Variants in XKR9 observed in about 807,000 individuals in gnomAD.
The protein encoded by XKR9 is XK related 9.
In XKR9, 32 loss-of-function variants were observed where a neutral mutation model predicts 32.0. The ratio of observed to expected loss-of-function variants is 1.00; its 90% CI spans 0.76 to 1.34. The LOEUF is 1.34. Ranked by LOEUF, XKR9 falls within the 40% of genes most tolerant of loss-of-function variation. XKR9 has a pLI of 0.00. For synonymous variants in XKR9, 168 were observed against 143.4 expected (o/e 1.17, Z -1.22); for missense variants, 546 against 429.7 (o/e 1.27, Z -2.39).
At chr8:70,780,549 G>C (rs923125209) in intron 2 of XKR9, among the ~76,000 whole-genome samples, 1 of 152,036 alleles carries the variant, frequency 6.6e-6, no homozygotes, top group Admixed American at 6.6e-5. Context: ...CTACAAGCCA[G>C]GAAAGCGAAG....
At chr8:70,702,049 C>G (rs1805556341) in intron 3 of XKR9, among the ~76,000 whole-genome samples, 1 of 152,092 alleles carries the variant, frequency 6.6e-6, no homozygotes, top group Non-Finnish European at 1.5e-5. Context: ...AATCTCCCTC[C>G]TCCCACAGAT....
Position 70,734,441 on chromosome 8 carries a change from A to C in XKR9, c.*17A>C. 1 of 1,493,352 alleles carries C rather than the reference A, an allele frequency of 6.7e-7. No homozygotes were observed. Among genetic ancestry groups the C allele is most frequent in the Non-Finnish European group, 8.8e-7 (1 of 1,132,920 alleles). 92.5% of individuals were successfully genotyped at this position (1,493,352 alleles called of 1,614,324 possible). A position where few individuals can be genotyped will look rare whatever the true frequency, so the allele number is the denominator to read the frequency against. ...ATGGAATAAGCTATTCATTTATGAT[A>C]TATATTTTCTTATATTTTGTTTCAT... On this transcript the variant is annotated 3_prime_UTR_variant, in exon 5 of 5. Coordinates refer to ENST00000408926, the MANE Select transcript of XKR9 (RefSeq NM_001011720.2).
chr8:70,761,186 G>T (rs1054430453), intron 2 of XKR9, among the ~76,000 whole-genome samples: 1 of 152,170 alleles, frequency 6.6e-6, no homozygotes, highest in Non-Finnish European at 1.5e-5. Context: ...ACATGCATGT[G>T]TCTTTATAGT....
the XKR9 span, among the ~76,000 whole-genome samples, chr8:70,896,540 C>T: frequency 1.3e-5 from 2 of 150,458 alleles, no homozygotes; most frequent in Admixed American, 6.6e-5. Context: ...ATTGGTAATG[C>T]GTATGTTCTG....
At chr8:70,915,151 G>T in the XKR9 span, among the ~76,000 whole-genome samples, 1,529 of 152,164 alleles carry the variant, frequency 0.01, 24 homozygotes, top group African/African-American at 0.035. Context: ...GGTGGTACCA[G>T]CAGGTCCATT....
the XKR9 span, among the ~76,000 whole-genome samples, chr8:70,843,878 C>T: frequency 5.6e-3 from 850 of 152,282 alleles, 8 homozygotes; most frequent in African/African-American, 0.019. Context: ...TCAGCCCCCA[C>T]CAGACTGCAT....
the XKR9 span, among the ~76,000 whole-genome samples, chr8:70,869,650 A>G: frequency 1.3e-5 from 2 of 152,172 alleles, no homozygotes; most frequent in East Asian, 1.9e-4. Context: ...CAGAGAAAAA[A>G]TATTTGTCAC....
intron 2 of XKR9, among the ~76,000 whole-genome samples, chr8:70,753,378 C>A (rs943290148): frequency 6.6e-6 from 1 of 151,754 alleles, no homozygotes; most frequent in African/African-American, 2.4e-5. Flanking sequence ...CTATTCCACT[C>A]AATAGAAAAA....
the XKR9 span, among the ~76,000 whole-genome samples, chr8:71,047,292 C>A: frequency 6.6e-6 from 1 of 152,174 alleles, no homozygotes; most frequent in Non-Finnish European, 1.5e-5. Context: ...CTTTTACTTT[C>A]TAATTAAATT....
At chr8:70,777,640 A>G (rs971567483) in intron 2 of XKR9, among the ~76,000 whole-genome samples, 1 of 152,126 alleles carries the variant, frequency 6.6e-6, no homozygotes, top group African/African-American at 2.4e-5. Context: ...TTTTTTAATG[A>G]TTGCTATTCT....
intron 3 of XKR9, among the ~76,000 whole-genome samples, chr8:70,703,482 GA>G (rs1805609642): frequency 1.3e-5 from 2 of 152,112 alleles, no homozygotes; most frequent in Non-Finnish European, 2.9e-5. Context: ...TTACATGGTG[GA>G]TGGGCAAGGC....
chr8:70,691,347 C>T (rs1805063013), intron 3 of XKR9, among the ~76,000 whole-genome samples: 1 of 152,108 alleles, frequency 6.6e-6, no homozygotes, highest in Non-Finnish European at 1.5e-5. Context: ...AATTCTTTCT[C>T]CCATTTTGTA....
chr8:70,778,988 G>T (rs1807574957), intron 2 of XKR9, among the ~76,000 whole-genome samples: 1 of 152,052 alleles, frequency 6.6e-6, no homozygotes, highest in Admixed American at 6.5e-5. Flanking sequence ...ACACTATGTT[G>T]AATAGGAGTG....
chr8:70,998,234 C>T, the XKR9 span, among the ~76,000 whole-genome samples: 1 of 152,190 alleles, frequency 6.6e-6, no homozygotes, highest in Non-Finnish European at 1.5e-5. Flanking sequence ...CATAGATCCT[C>T]AAAGTTAATT....
downstream of XKR9, among the ~76,000 whole-genome samples, chr8:70,737,563 G>A (rs1353874829): frequency 9.8e-6 from 1 of 101,842 alleles, no homozygotes; most frequent in African/African-American, 3.2e-5. Flanking sequence ...CAAAGGGAAT[G>A]CTTCCAGTTT....
chr8:71,017,921 G>A, the XKR9 span, among the ~76,000 whole-genome samples: 2 of 152,192 alleles, frequency 1.3e-5, no homozygotes, highest in Non-Finnish European at 2.9e-5. Flanking sequence ...GTGGATGCAT[G>A]TTTATGATAT....
At chr8:70,979,233 T>C in the XKR9 span, among the ~76,000 whole-genome samples, 1 of 152,354 alleles carries the variant, frequency 6.6e-6, no homozygotes, top group Non-Finnish European at 1.5e-5. Context: ...TGAAGCCTAC[T>C]TCTGTCAACT....
the XKR9 span, among the ~76,000 whole-genome samples, chr8:70,931,872 A>T: frequency 5.9e-5 from 9 of 152,164 alleles, no homozygotes; most frequent in Admixed American, 5.9e-4. Flanking sequence ...TTAATGAGAG[A>T]TCCAGACCTA....
the XKR9 span, among the ~76,000 whole-genome samples, chr8:70,878,609 C>T: frequency 6.6e-6 from 1 of 152,136 alleles, no homozygotes; most frequent in Non-Finnish European, 1.5e-5. Flanking sequence ...AGCTAACTAT[C>T]CTAAATATAT....
Sources: allele counts gnomAD v4.1 joint callset (sites outside exome capture counted in the v4.1 genomes callset), GRCh38; gene constraint gnomAD v4.1.1; transcripts MANE v1.5; gene names NCBI Gene and HGNC (gene_info 2026-07-23, HGNC 2026-07-21).